KCNK10: variants seen among roughly 807,000 people sequenced by gnomAD.
KCNK10 encodes the protein potassium channel subfamily K member 10.
A neutral mutation model predicts 47.7 loss-of-function variants in KCNK10; 25 were observed. The ratio of observed to expected loss-of-function variants is 0.52; its 90% CI spans 0.38 to 0.73. KCNK10 has a LOEUF of 0.73. KCNK10 is among the 30% of genes least tolerant of loss of function. The pLI is 0.00. For synonymous variants in KCNK10, 303 were observed against 285.6 expected (o/e 1.06, Z -0.61); for missense variants, 563 against 714.5 (o/e 0.79, Z 2.42).
intron 2 of KCNK10, among the ~76,000 whole-genome samples, chr14:88,255,454 G>A (rs1647988039): frequency 6.6e-6 from 1 of 151,944 alleles, no homozygotes; most frequent in South Asian, 2.1e-4. Context: ...AGCACTTTGG[G>A]AGGCTGAGGT....
intron 1 of KCNK10, among the ~76,000 whole-genome samples, chr14:88,266,587 G>A (rs1595114489): frequency 6.6e-6 from 1 of 152,298 alleles, no homozygotes. Flanking sequence ...CAGTGGTGGT[G>A]GTGGTGGTGG....
intron 4 of KCNK10, among the ~76,000 whole-genome samples, chr14:88,192,992 C>T (rs1185803745): frequency 1.3e-5 from 2 of 152,166 alleles, no homozygotes; most frequent in African/African-American, 2.4e-5. Flanking sequence ...TGTGTTTCTT[C>T]GCCCCCACAT....
At chr14:88,301,605 G>A (rs1021081536) in intron 1 of KCNK10, among the ~76,000 whole-genome samples, 5 of 150,474 alleles carry the variant, frequency 3.3e-5, no homozygotes, top group African/African-American at 1.2e-4. Context: ...TTTCAGAGGC[G>A]AGGAGAAGCC....
chr14:88,230,094 A>G (rs1266635884), intron 3 of KCNK10, among the ~76,000 whole-genome samples: 3 of 152,218 alleles, frequency 2.0e-5, no homozygotes, highest in South Asian at 4.1e-4. Context: ...TAAAGATTAA[A>G]TGAGTTACAT....
intron 1 of KCNK10, among the ~76,000 whole-genome samples, chr14:88,275,904 T>C (rs769568927): frequency 6.6e-6 from 1 of 151,710 alleles, no homozygotes; most frequent in Non-Finnish European, 1.5e-5. Flanking sequence ...TAGGCTCCGG[T>C]AGACCAAGGA....
intron 1 of KCNK10, among the ~76,000 whole-genome samples, chr14:88,286,875 T>G (rs1000331488): frequency 1.2e-4 from 19 of 152,160 alleles, no homozygotes; most frequent in South Asian, 2.1e-4. Flanking sequence ...AAAATGAGAT[T>G]TGGATGAGAA....
chr14:88,314,954 G>A (rs1309374449), intron 1 of KCNK10, among the ~76,000 whole-genome samples: 1 of 152,162 alleles, frequency 6.6e-6, no homozygotes, highest in Non-Finnish European at 1.5e-5. Flanking sequence ...AATCATGCTT[G>A]GATTAGGACT....
chr14:88,274,549 T>TAAA (rs3994047), intron 1 of KCNK10, among the ~76,000 whole-genome samples: 547 of 40,494 alleles, frequency 0.014, 43 homozygotes, highest in African/African-American at 0.055. Context: ...AGACTCTATC[T>TAAA]AAAAAAAAAA....
At chr14:88,262,372 T>C (rs1887134526) in intron 2 of KCNK10, among the ~76,000 whole-genome samples, 1 of 152,182 alleles carries the variant, frequency 6.6e-6, no homozygotes. Flanking sequence ...CCATTTCCCT[T>C]TCTTCCTCGT....
intron 1 of KCNK10, among the ~76,000 whole-genome samples, chr14:88,321,150 C>T (rs1354352970): frequency 6.6e-6 from 1 of 152,128 alleles, no homozygotes; most frequent in Admixed American, 6.5e-5. Flanking sequence ...ATGGGAACCT[C>T]CTTTCAGTTC....
At chr14:88,238,800 AT>A (rs1360617246) in intron 3 of KCNK10, among the ~76,000 whole-genome samples, 1 of 152,186 alleles carries the variant, frequency 6.6e-6, no homozygotes, top group African/African-American at 2.4e-5. Flanking sequence ...TTATTTCTAG[AT>A]TTACATTTAA....
chr14:88,233,554 TG>T (rs768682944), intron 3 of KCNK10, among the ~76,000 whole-genome samples: 4 of 152,180 alleles, frequency 2.6e-5, no homozygotes, highest in Non-Finnish European at 5.9e-5. Flanking sequence ...AATGAGGACA[TG>T]GGTGAGTAAG....
intron 4 of KCNK10, among the ~76,000 whole-genome samples, chr14:88,203,423 C>T (rs1370139367): frequency 6.6e-6 from 1 of 152,182 alleles, no homozygotes; most frequent in South Asian, 2.1e-4. Flanking sequence ...TCCTGGAGGT[C>T]AGGGCAAGCT....
At chr14:88,325,677 A>G (rs2139812413), upstream of KCNK10, among the ~76,000 whole-genome samples, 1 of 134,724 alleles carries the variant, frequency 7.4e-6, no homozygotes, top group Admixed American at 7.3e-5. Flanking sequence ...GATATTTTCC[A>G]AGCCTCCAGG....
intron 5 of KCNK10, among the ~76,000 whole-genome samples, 166 bp from the exon 6 acceptor site, chr14:88,188,275 C>G (rs1247404048): frequency 1.3e-5 from 2 of 152,092 alleles, no homozygotes; most frequent in South Asian, 2.1e-4. Flanking sequence ...AGGGGGGTAC[C>G]CATCCCTTAC....
chr14:88,212,883 G>T (rs1885506456), intron 4 of KCNK10, among the ~76,000 whole-genome samples: 1 of 152,222 alleles, frequency 6.6e-6, no homozygotes, highest in Non-Finnish European at 1.5e-5. Context: ...GGAGAGTGCA[G>T]TTTGTTGGCA....
chr14:88,276,369 T>C (rs1887528329), intron 1 of KCNK10, among the ~76,000 whole-genome samples: 1 of 151,974 alleles, frequency 6.6e-6, no homozygotes, highest in African/African-American at 2.4e-5. Context: ...TCTGCCTTGA[T>C]ATCTTGATCT....
At chr14:88,283,075 C>A (rs1368252846) in intron 1 of KCNK10, among the ~76,000 whole-genome samples, 1 of 152,212 alleles carries the variant, frequency 6.6e-6, no homozygotes, top group Non-Finnish European at 1.5e-5. Flanking sequence ...TAAACAACTG[C>A]TGTATGCATC....
In KCNK10 at chr14:88,187,836, T is replaced by C. The variant is rs1458606510; in HGVS notation, c.1011+131A>G. 3.7e-6 allele frequency: 3 copies of C among 813,804 alleles called. No individual in the cohort carries two copies. In the East Asian group the frequency reaches 7.3e-5, roughly 20 times the overall value. The allele number at this position is 813,804 out of a possible 1,614,324, so 50.4% of individuals were successfully genotyped here. On this transcript the variant is annotated intron_variant, in intron 6 of 6. Coordinates refer to ENST00000319231, the MANE Select transcript of KCNK10 (RefSeq NM_138317.3). ...AGGACTGATTCAACATGAGGAAGCC[T>C]ATGACCCGCCCCCCGCTCCCCCTGC...
Sources: gnomAD v4.1 joint callset for allele counts (sites outside exome capture counted in the v4.1 genomes callset) on GRCh38, gnomAD v4.1.1 for gene constraint, MANE v1.5 for transcripts, NCBI Gene and HGNC (gene_info 2026-07-23, HGNC 2026-07-21) for gene names.